ZFHX3: variants seen among roughly 807,000 people sequenced by gnomAD.
The protein encoded by ZFHX3 is zinc finger homeobox protein 3.
In ZFHX3, 42 loss-of-function variants were observed where a neutral mutation model predicts 279.1. That is an observed-to-expected ratio of 0.15 (90% CI 0.12 to 0.19). The LOEUF (loss-of-function observed/expected upper bound fraction) is 0.19, where lower values mean the gene tolerates loss of function less well. Among genes scored for constraint, ZFHX3 ranks in the 10% least tolerant of loss-of-function variants. The probability of loss-of-function intolerance (pLI) is 1.00; values close to 1 mark genes in which losing one functional copy is unlikely to be tolerated. For synonymous variants in ZFHX3, 2,293 were observed against 1,957.8 expected (o/e 1.17, Z -4.52); for missense variants, 4,981 against 4,754.0 (o/e 1.05, Z -1.40).
At chr16:73,301,127 T>A (rs1026052381) in intron 4 of ZFHX3, among the ~76,000 whole-genome samples, 6 of 152,134 alleles carry the variant, frequency 3.9e-5, no homozygotes, top group African/African-American at 1.4e-4. Flanking sequence ...TGTATCAGAG[T>A]CCTTTGGATA....
At chr16:73,689,826 G>GT (rs1292578499) in intron 1 of ZFHX3, among the ~76,000 whole-genome samples, 2 of 149,364 alleles carry the variant, frequency 1.3e-5, no homozygotes, top group African/African-American at 2.5e-5. Flanking sequence ...TGTTTTTTTT[G>GT]TTGTTGTTGT....
intron 9 of ZFHX3, chr16:72,791,347 G>A (rs2035692048): frequency 6.6e-6 from 1 of 152,232 alleles, no homozygotes; most frequent in Admixed American, 6.5e-5. Flanking sequence ...GTCAGGTGAT[G>A]ATAACTGGGG....
At chr16:73,279,710 G>T (rs138181987) in intron 4 of ZFHX3, among the ~76,000 whole-genome samples, 3 of 152,238 alleles carry the variant, frequency 2.0e-5, no homozygotes, top group African/African-American at 7.2e-5. Flanking sequence ...AAGCAGAACA[G>T]GCTGAAGACA....
rs1348361466 is a variant in ZFHX3 at position 72,787,314 on chromosome 16, C to T, written c.10962G>A (p.Ser3654=). 3.1e-6 allele frequency: 5 copies of T among 1,613,970 alleles called. No homozygotes were observed. The highest frequency in any genetic ancestry group is 1.3e-5 in the African/African-American group (1 of 74,980). Reference sequence around the variant, plus strand: ...CCTCCGAATAGTCGTCTGTTGGCATCGAGGGCTGAACCCCTGAGGTGCTGC... The same window carrying T: ...CCTCCGAATAGTCGTCTGTTGGCATTGAGGGCTGAACCCCTGAGGTGCTGC... ...SSCSTSGVQP[S]MPTDDYSEES... is the part of the protein sequence containing the mutation. Residue 3654 remains serine (S), a synonymous_variant, in exon 10 of 10, where the codon TCG becomes TCA. Coordinates refer to ENST00000268489, the MANE Select transcript of ZFHX3 (RefSeq NM_006885.4).
chr16:73,365,833 A>C (rs2016520044), intron 3 of ZFHX3, among the ~76,000 whole-genome samples: 1 of 152,232 alleles, frequency 6.6e-6, no homozygotes, highest in Non-Finnish European at 1.5e-5. Flanking sequence ...AGAGATTCCC[A>C]GGTGCAGGCA....
intron 2 of ZFHX3, among the ~76,000 whole-genome samples, chr16:73,478,681 T>C (rs2018811993): frequency 6.6e-6 from 1 of 152,150 alleles, no homozygotes; most frequent in South Asian, 2.1e-4. Context: ...ATAATTGAGG[T>C]GCAAATATCT....
intron 1 of ZFHX3, among the ~76,000 whole-genome samples, chr16:73,055,648 C>G (rs1320128417): frequency 6.6e-6 from 1 of 151,724 alleles, no homozygotes; most frequent in Admixed American, 6.6e-5. Context: ...CCAGACTCCC[C>G]CAGTGAAGAC....
At chr16:73,814,249 A>T (rs886713120) in intron 1 of ZFHX3, among the ~76,000 whole-genome samples, 2 of 152,046 alleles carry the variant, frequency 1.3e-5, no homozygotes, top group Non-Finnish European at 2.9e-5. Flanking sequence ...TGCCAAATGG[A>T]GAGACAATAA....
At chr16:73,790,108 G>C (rs7201214) in intron 1 of ZFHX3, among the ~76,000 whole-genome samples, 1 of 152,076 alleles carries the variant, frequency 6.6e-6, no homozygotes, top group African/African-American at 2.4e-5. Context: ...ACCAAACTTA[G>C]GGACAAATTT....
At chr16:73,586,352 G>A (rs1315584449) in intron 2 of ZFHX3, among the ~76,000 whole-genome samples, 4 of 151,728 alleles carry the variant, frequency 2.6e-5, no homozygotes, top group African/African-American at 9.7e-5. Flanking sequence ...TCGCACCACT[G>A]CACTCCAGCC....
At position 73,249,330 on chromosome 16, in the gene ZFHX3, C is replaced by A. The variant is rs142983149; in HGVS notation, c.-1104+7717G>T. Among the ~76,000 whole-genome samples the A allele has an allele frequency of 7.8e-3, 1,182 of 152,250 alleles. 50 individuals carry two copies. Among genetic ancestry groups the A allele is most frequent in the Admixed American group, 0.06 (914 of 15,302 alleles). On this transcript the variant is annotated intron_variant, in intron 5 of 17. Coordinates refer to the ZFHX3 transcript ENST00000641206. ...TTAAAGGAGATTGTATTAGTCTGTT[C>A]TCATGCTGCTAATAAAGACATACCC...
intron 1 of ZFHX3, among the ~76,000 whole-genome samples, chr16:73,819,086 T>C (rs1960661958): frequency 6.6e-6 from 1 of 152,200 alleles, no homozygotes. Flanking sequence ...CTGAGGTCAA[T>C]GGTACACCGT....
chr16:73,529,879 T>C (rs1488462226), intron 2 of ZFHX3, among the ~76,000 whole-genome samples: 1 of 152,154 alleles, frequency 6.6e-6, no homozygotes, highest in Non-Finnish European at 1.5e-5. Flanking sequence ...CAGCAGAAAT[T>C]TCTTAGAAAG....
intron 1 of ZFHX3, among the ~76,000 whole-genome samples, chr16:73,689,773 G>C (rs917598406): frequency 3.3e-5 from 5 of 152,078 alleles, no homozygotes; most frequent in Admixed American, 1.3e-4. Flanking sequence ...GGTTTCATTA[G>C]CAAAGCTTAC....
intron 5 of ZFHX3, among the ~76,000 whole-genome samples, chr16:73,250,119 T>G (rs1470431218): frequency 6.6e-6 from 1 of 152,202 alleles, no homozygotes; most frequent in African/African-American, 2.4e-5. Context: ...AGGTGTACTT[T>G]CCCCACAAGT....
At chr16:73,061,546 T>C (rs569534208), upstream of ZFHX3, 30 of 152,238 alleles carry the variant, frequency 2.0e-4, no homozygotes, top group African/African-American at 6.7e-4. Flanking sequence ...TTAATCTTTT[T>C]TTTTTCCCTT....
chr16:72,959,402 G>T lies in ZFHX3; in HGVS notation c.744C>A (p.Asp248Glu). ...ATACGCAGGAGCTTTTGGCAGAACC[G>T]TCGCTGTTCAGGTAATCCTTGTTGC... ...HKSNKDYLNS[D>E]GSAKSSCVSK... The change falls in exon 2 of 10, where the codon GAC becomes GAA. Residue 248 changes from aspartate to glutamate, a missense_variant. Asp to Glu is a conservative substitution (Grantham distance 45, BLOSUM62 2). This residue lies in a region of ZFHX3 where 1,068 missense variants were observed against 935.2 expected (regional missense o/e 1.14). Coordinates refer to ENST00000268489, the MANE Select transcript of ZFHX3 (RefSeq NM_006885.4). The T allele has an allele frequency of 6.2e-7, 1 of 1,614,200 alleles. No individual in the cohort carries two copies. The highest frequency in any genetic ancestry group is 1.3e-5 in the African/African-American group (1 of 75,066).
intron 4 of ZFHX3, among the ~76,000 whole-genome samples, chr16:73,288,801 G>A (rs144511447): frequency 1.3e-5 from 2 of 151,854 alleles, no homozygotes; most frequent in African/African-American, 2.4e-5. Flanking sequence ...GTAAATAACC[G>A]CCCGTTTTCA....
chr16:72,908,133 T>C (rs74028148), intron 3 of ZFHX3, among the ~76,000 whole-genome samples: 2,054 of 152,272 alleles, frequency 0.013, 34 homozygotes, highest in African/African-American at 0.043. Flanking sequence ...ATCAGCTTTA[T>C]GTATGTGGCA....
Sources: gnomAD v4.1 joint callset for allele counts (sites outside exome capture counted in the v4.1 genomes callset) on GRCh38, gnomAD v4.1.1 for gene constraint, gnomAD v4.1.1 regional missense constraint, MANE v1.5 for transcripts, NCBI Gene and HGNC (gene_info 2026-07-23, HGNC 2026-07-21) for gene names.